The following IL1RAPL2 variants were observed in gnomAD, a reference collection of about 807,000 sequenced individuals.
The protein encoded by IL1RAPL2 is X-linked interleukin-1 receptor accessory protein-like 2.
Under a neutral mutation model 44.1 loss-of-function variants are expected in IL1RAPL2, and 3 were observed. That is an observed-to-expected ratio of 0.07 (90% CI 0.03 to 0.18). The LOEUF (loss-of-function observed/expected upper bound fraction) is 0.18. Among genes scored for constraint, IL1RAPL2 ranks in the 10% least tolerant of loss-of-function variants. The pLI, the probability that IL1RAPL2 is intolerant of heterozygous loss-of-function variation, is 1.00. For missense variants in IL1RAPL2, 391 were observed against 496.4 expected (o/e 0.79, Z 2.02); for synonymous variants, 181 against 178.8 (o/e 1.01, Z -0.10).
At chrX:105,019,511 C>G (rs931030719) in intron 2 of IL1RAPL2, among the ~76,000 whole-genome samples, 1 of 111,413 alleles carries the variant, frequency 9.0e-6, no homozygotes, top group African/African-American at 3.3e-5. Context: ...ATATCCAACC[C>G]TCATAATCAG....
chrX:105,728,108 T>C (rs933215124), intron 7 of IL1RAPL2, among the ~76,000 whole-genome samples: 4 of 111,717 alleles, frequency 3.6e-5, no homozygotes, highest in African/African-American at 1.3e-4. Flanking sequence ...AGATGTATGA[T>C]GACATGTATC....
intron 6 of IL1RAPL2, among the ~76,000 whole-genome samples, chrX:105,515,337 C>T (rs892889521): frequency 9.8e-5 from 11 of 111,919 alleles, no homozygotes. Flanking sequence ...CTGAAAACTG[C>T]ATGTAATTTC....
intron 3 of IL1RAPL2, among the ~76,000 whole-genome samples, chrX:105,212,211 C>G (rs1556158871): frequency 8.9e-6 from 1 of 112,622 alleles, no homozygotes; most frequent in African/African-American, 3.2e-5. Flanking sequence ...CTAAGAACCA[C>G]TGGCTTGAAA....
intron 2 of IL1RAPL2, among the ~76,000 whole-genome samples, chrX:105,124,911 A>G (rs1205380182): frequency 9.1e-6 from 1 of 110,184 alleles, no homozygotes; most frequent in African/African-American, 3.3e-5. Context: ...TCCCAAATGC[A>G]TTTTCTTTCT....
chrX:104,915,393 G>C (rs780619097), intron 2 of IL1RAPL2, among the ~76,000 whole-genome samples: 14 of 110,687 alleles, frequency 1.3e-4, no homozygotes, highest in African/African-American at 4.3e-4. Context: ...CATATCCTTT[G>C]CCCACTTTTT....
chrX:105,503,912 C>T (rs1032890416), intron 6 of IL1RAPL2, among the ~76,000 whole-genome samples: 4 of 111,426 alleles, frequency 3.6e-5, no homozygotes, highest in African/African-American at 9.8e-5. Flanking sequence ...CATGTAAGGT[C>T]ACCAATCATT....
chrX:104,807,293 C>G (rs748454004), intron 2 of IL1RAPL2, among the ~76,000 whole-genome samples: 49 of 111,589 alleles, frequency 4.4e-4, no homozygotes, highest in Non-Finnish European at 8.3e-4. Flanking sequence ...AAATAAATGA[C>G]CACAACTCTT....
intron 5 of IL1RAPL2, among the ~76,000 whole-genome samples, chrX:105,417,347 C>T (rs1354749778): frequency 8.9e-6 from 1 of 111,943 alleles, no homozygotes; most frequent in East Asian, 2.8e-4. Context: ...GTGGCGTGTG[C>T]CTGTAATCCC....
At chrX:105,596,213 T>A (rs190626362) in intron 6 of IL1RAPL2, among the ~76,000 whole-genome samples, 27 of 111,178 alleles carry the variant, frequency 2.4e-4, no homozygotes, top group Non-Finnish European at 4.7e-4. Context: ...ATTCTTTTTC[T>A]AGTTCCTTGA....
chrX:104,664,884 A>G (rs958795135), intron 2 of IL1RAPL2, among the ~76,000 whole-genome samples: 3 of 111,188 alleles, frequency 2.7e-5, no homozygotes, highest in African/African-American at 6.5e-5. Flanking sequence ...GTTTTGTCCT[A>G]TAAGTTATAC....
chrX:105,140,631 T>A (rs969155144), intron 2 of IL1RAPL2, among the ~76,000 whole-genome samples: 1 of 112,108 alleles, frequency 8.9e-6, no homozygotes, highest in Non-Finnish European at 1.9e-5. Context: ...AATCCCAGAG[T>A]GCAAATGAAT....
At chrX:105,444,444 ATG>A (rs1357556962) in intron 5 of IL1RAPL2, among the ~76,000 whole-genome samples, 1 of 111,072 alleles carries the variant, frequency 9.0e-6, no homozygotes, top group Non-Finnish European at 1.9e-5. Context: ...ACTTTCCCCA[ATG>A]TTTTCTTATA....
rs187868472 is a variant in IL1RAPL2 at position 105,335,683 on chromosome X, C to A, written c.697+68142C>A. On this transcript the variant is annotated intron_variant, in intron 5 of 10. Coordinates refer to ENST00000372582, the MANE Select transcript of IL1RAPL2 (RefSeq NM_017416.2). ...TTAGCTGAAAATCTTTCCAGTCGAC[C>A]ACCTCAAATAGTTGGATCCATTTTT... 4.4e-3 allele frequency among the ~76,000 whole-genome samples: 482 copies of A among 110,721 alleles called. 5 individuals carry two copies. Among genetic ancestry groups the A allele is most frequent in the African/African-American group, 0.015 (457 of 30,493 alleles).
In IL1RAPL2 at chrX:105,562,649, A is replaced by G. The variant is rs189994314; in HGVS notation, c.772+78262A>G. On this transcript the variant is annotated intron_variant, in intron 6 of 10. Coordinates refer to ENST00000372582, the MANE Select transcript of IL1RAPL2 (RefSeq NM_017416.2). ...GGAGTTTAGGCACATACTTAAGAGAAGTAGTCAAGTACTGCAGTCACTCAG... is the reference window on the plus strand; with the variant it reads ...GGAGTTTAGGCACATACTTAAGAGAGGTAGTCAAGTACTGCAGTCACTCAG... 7.2e-5 allele frequency among the ~76,000 whole-genome samples: 8 copies of G among 111,006 alleles called. No individual in the cohort carries two copies. The East Asian group carries it at 2.3e-3, about 32-fold the overall frequency.
chrX:104,896,994 A>T (rs1343457108), intron 2 of IL1RAPL2, among the ~76,000 whole-genome samples: 1 of 111,708 alleles, frequency 9.0e-6, no homozygotes, highest in Non-Finnish European at 1.9e-5. Flanking sequence ...GAAACTGGAC[A>T]CATCTGAACA....
chrX:104,891,977 C>T (rs907654761), intron 2 of IL1RAPL2, among the ~76,000 whole-genome samples: 2 of 111,487 alleles, frequency 1.8e-5, no homozygotes, highest in South Asian at 3.8e-4. Flanking sequence ...CCATCAATAC[C>T]TAATTTATTG....
At chrX:105,583,540 G>A (rs2037105012) in intron 6 of IL1RAPL2, among the ~76,000 whole-genome samples, 1 of 111,966 alleles carries the variant, frequency 8.9e-6, no homozygotes, top group African/African-American at 3.2e-5. Context: ...TTTTATCTAA[G>A]TTGTTATTTA....
chrX:105,110,309 T>C (rs1329098415), intron 2 of IL1RAPL2, among the ~76,000 whole-genome samples: 1 of 112,215 alleles, frequency 8.9e-6, no homozygotes, highest in Non-Finnish European at 1.9e-5. Context: ...CTGCCACAAG[T>C]TCTTTTGCGG....
At chrX:105,393,400 A>G (rs951364990) in intron 5 of IL1RAPL2, among the ~76,000 whole-genome samples, 12 of 111,496 alleles carry the variant, frequency 1.1e-4, no homozygotes, top group Non-Finnish European at 1.9e-4. Context: ...TATTATCTAC[A>G]GGAGTAATTG....
Sources: allele counts gnomAD v4.1 joint callset (sites outside exome capture counted in the v4.1 genomes callset), GRCh38; gene constraint gnomAD v4.1.1; transcripts MANE v1.5; gene names NCBI Gene and HGNC (gene_info 2026-07-23, HGNC 2026-07-21).